Variants in RBFOX1 observed in about 807,000 individuals in gnomAD.
RBFOX1 encodes the protein RNA binding protein fox-1 homolog 1.
Under a neutral mutation model 57.7 loss-of-function variants are expected in RBFOX1, and 8 were observed. The observed-to-expected ratio is 0.14, with a 90% CI of 0.08 to 0.25. RBFOX1 has a LOEUF of 0.25. Among genes scored for constraint, RBFOX1 ranks in the 10% least tolerant of loss-of-function variants. RBFOX1 has a pLI of 1.00. For missense variants in RBFOX1, 611 were observed against 548.5 expected, an observed-to-expected ratio of 1.11 and a Z score of -1.14; for synonymous variants, 326 against 222.4, an observed-to-expected ratio of 1.47 and a Z score of -4.15.
intron 2 of RBFOX1, among the ~76,000 whole-genome samples, chr16:5,556,835 G>A (rs1167071237): frequency 1.3e-5 from 2 of 152,218 alleles, no homozygotes; most frequent in African/African-American, 4.8e-5. Flanking sequence ...AGGCCACTGT[G>A]TACCCTATTA....
chr16:6,167,536 A>C (rs770605790), intron 1 of RBFOX1, among the ~76,000 whole-genome samples: 4 of 152,114 alleles, frequency 2.6e-5, no homozygotes, highest in Non-Finnish European at 5.9e-5. Flanking sequence ...GGACTGACAA[A>C]TTTTTGGATG....
Position 7,037,533 on chromosome 16 carries a change from C to T in RBFOX1, c.-15-14524C>T, listed in dbSNP as rs6500902. 4.0e-4 allele frequency among the ~76,000 whole-genome samples: 61 copies of T among 152,074 alleles called. 1 individual carries two copies. Among genetic ancestry groups the T allele is most frequent in the Non-Finnish European group, 7.6e-4 (52 of 68,016 alleles). Reference sequence around the variant, plus strand: ...TGAGGCACGTCCAGTCCACTGTCAACTTATGAAAAGAAGAAATCACAACAA... The same window carrying T: ...TGAGGCACGTCCAGTCCACTGTCAATTTATGAAAAGAAGAAATCACAACAA... On this transcript the variant is annotated intron_variant, in intron 3 of 15. Transcript: ENST00000550418.
rs112593920 is a variant in RBFOX1, at chr16:5,785,611, T to G, written c.319-81692T>G. 5.7e-3 allele frequency among the ~76,000 whole-genome samples: 864 copies of G among 152,234 alleles called. 14 individuals carry two copies. Among genetic ancestry groups the G allele is most frequent in the African/African-American group, 0.019 (783 of 41,528 alleles). On this transcript the variant is annotated intron_variant, in intron 3 of 19. Coordinates refer to the RBFOX1 transcript ENST00000641259. The stretch of plus-strand genomic sequence containing the variant: ...GGCATGATCTTGGCTCACTGCAACC[T>G]CTGCCTCCTGGGTTCAAGTGATTCT...
chr16:5,617,191 C>T (rs1023828807), intron 3 of RBFOX1, among the ~76,000 whole-genome samples: 6 of 152,094 alleles, frequency 3.9e-5, no homozygotes, highest in East Asian at 1.9e-4. Context: ...TCTGTGCCAA[C>T]ATCCCCTCAC....
chr16:6,269,094 C>T lies in RBFOX1; in HGVS notation c.-126-47901C>T, dbSNP rs570145130. Among the ~76,000 whole-genome samples, 49 of 152,202 alleles carry T rather than the reference C, an allele frequency of 3.2e-4. No homozygotes were observed. In the South Asian group the frequency reaches 3.5e-3, roughly 11 times the overall value. ...AATACCTAACATAATATAAATGCTA[C>T]GTAAGCTATGTCAGCAAGAGGGACA... On this transcript the variant is annotated intron_variant, in intron 1 of 15. Transcript: ENST00000550418.
At chr16:7,034,268 T>C (rs1049924685) in intron 3 of RBFOX1, among the ~76,000 whole-genome samples, 5 of 152,168 alleles carry the variant, frequency 3.3e-5, no homozygotes, top group Non-Finnish European at 7.3e-5. Flanking sequence ...GGGATAATGA[T>C]AATGACAGTA....
intron 4 of RBFOX1, among the ~76,000 whole-genome samples, chr16:5,884,278 G>A (rs766372264): frequency 6.6e-6 from 1 of 152,162 alleles, no homozygotes; most frequent in African/African-American, 2.4e-5. Context: ...CAGTGATACA[G>A]TTGAGAGCTT....
At chr16:6,185,048 CA>C (rs2097096348) in intron 1 of RBFOX1, among the ~76,000 whole-genome samples, 1 of 152,152 alleles carries the variant, frequency 6.6e-6, no homozygotes, top group South Asian at 2.1e-4. Context: ...GTCAAGGAGA[CA>C]GCTCTGTGCG....
chr16:7,182,779 A>C (rs1241420913), intron 4 of RBFOX1, among the ~76,000 whole-genome samples: 1 of 152,172 alleles, frequency 6.6e-6, no homozygotes, highest in Non-Finnish European at 1.5e-5. Context: ...CCCCTGACTT[A>C]GCACTTTGTA....
chr16:6,605,846 T>C (rs1023466119), intron 2 of RBFOX1, among the ~76,000 whole-genome samples: 3 of 152,142 alleles, frequency 2.0e-5, no homozygotes, highest in African/African-American at 7.2e-5. Context: ...ACTCCTGTAA[T>C]CCCAGCACTC....
chr16:7,334,905 C>G (rs944991459), intron 4 of RBFOX1, among the ~76,000 whole-genome samples: 13 of 152,176 alleles, frequency 8.5e-5, no homozygotes, highest in African/African-American at 3.1e-4. Flanking sequence ...CCTCTGGTAA[C>G]TAGTTACCCA....
chr16:6,283,042 C>T (rs548066573), intron 1 of RBFOX1, among the ~76,000 whole-genome samples: 63 of 152,252 alleles, frequency 4.1e-4, no homozygotes, highest in East Asian at 2.5e-3. Flanking sequence ...AAAACCCTTA[C>T]GCAACCAAAC....
At chr16:7,536,816 G>A (rs1050008576) in intron 5 of RBFOX1, among the ~76,000 whole-genome samples, 1 of 152,192 alleles carries the variant, frequency 6.6e-6, no homozygotes, top group Non-Finnish European at 1.5e-5. Flanking sequence ...TACACTATGG[G>A]CATTGGCAAT....
intron 3 of RBFOX1, among the ~76,000 whole-genome samples, chr16:5,650,513 T>C (rs139903701): frequency 4.7e-4 from 71 of 152,276 alleles, no homozygotes; most frequent in Middle Eastern, 6.8e-3. Context: ...TGATTAGTTA[T>C]AGGAAAATCA....
At position 6,962,462 on chromosome 16, in the gene RBFOX1, T is replaced by A. The variant is rs190342239; in HGVS notation, c.-15-89595T>A. Among the ~76,000 whole-genome samples the A allele has an allele frequency of 2.4e-3, 366 of 152,294 alleles. 3 individuals carry two copies. Among genetic ancestry groups the A allele is most frequent in the African/African-American group, 8.6e-3 (357 of 41,578 alleles). ...GTTACATATATGACATTTCCCCTGA[T>A]AAAGCAGCCTGGTTTAATATAGCCG... On this transcript the variant is annotated intron_variant, in intron 3 of 15. Transcript: ENST00000550418.
At chr16:7,571,981 G>T (rs1002891745) in intron 5 of RBFOX1, among the ~76,000 whole-genome samples, 1 of 152,170 alleles carries the variant, frequency 6.6e-6, no homozygotes, top group Non-Finnish European at 1.5e-5. Context: ...CTAAAAATTA[G>T]CTGGGCTTGG....
At chr16:5,731,210 GATC>G (rs1374552806) in intron 3 of RBFOX1, among the ~76,000 whole-genome samples, 1 of 150,546 alleles carries the variant, frequency 6.6e-6, no homozygotes, top group Admixed American at 6.6e-5. Context: ...TTATCATCAA[GATC>G]ATCAACAACA....
At position 6,193,392 on chromosome 16, in the gene RBFOX1, CTATA is replaced by C. The variant is rs55707901; in HGVS notation, c.-126-123572_-126-123569del. Among the ~76,000 whole-genome samples, 305 of 43,204 alleles carry C rather than the reference CTATA, an allele frequency of 7.1e-3. 4 individuals carry two copies. The highest frequency in any genetic ancestry group is 0.016 in the African/African-American group (250 of 15,446). 28.3% of individuals were successfully genotyped at this position (43,204 alleles called of 152,430 possible). On this transcript the variant is annotated intron_variant, in intron 1 of 15. Transcript: ENST00000550418. ...TATATATATACATTATATATATATACTATATATATATATATATATATATATATAT... is the reference window on the plus strand; with the variant it reads ...TATATATATACATTATATATATATACTATATATATATATATATATATATAT...
intron 3 of RBFOX1, among the ~76,000 whole-genome samples, chr16:5,784,149 C>A (rs900915801): frequency 6.6e-6 from 1 of 152,064 alleles, no homozygotes; most frequent in African/African-American, 2.4e-5. Flanking sequence ...CAGCCGGGCG[C>A]GGTGGCTCAC....
Sources: gnomAD v4.1 joint callset for allele counts (sites outside exome capture counted in the v4.1 genomes callset) on GRCh38, gnomAD v4.1.1 for gene constraint, MANE v1.5 for transcripts, NCBI Gene and HGNC (gene_info 2026-07-23, HGNC 2026-07-21) for gene names.